The following DLGAP2 variants were observed in gnomAD, a reference collection of about 807,000 sequenced individuals.
DLGAP2 encodes DLG associated protein 2, also known as disks large-associated protein 2.
DLGAP2 carries 26 observed loss-of-function variants against 100.3 expected under a neutral mutation model. The observed-to-expected ratio is 0.26, with a 90% CI of 0.19 to 0.36. DLGAP2 has a LOEUF of 0.36. Among genes scored for constraint, DLGAP2 ranks in the 10% least tolerant of loss-of-function variants. The probability of loss-of-function intolerance (pLI) is 1.00; values close to 1 mark genes in which losing one functional copy is unlikely to be tolerated. For synonymous variants in DLGAP2, 886 were observed against 630.1 expected (o/e 1.41, Z -6.08); for missense variants, 1,858 against 1,453.2 (o/e 1.28, Z -4.53).
At position 1,333,219 on chromosome 8, in the gene DLGAP2, G is replaced by A. The variant is rs141298371; in HGVS notation, c.106+74336G>A. ...CTGGCACATTACAGAGATGGAGGAA[G>A]GAGAAACCCACTGCTACCCTGGCCA... On this transcript the variant is annotated intron_variant, in intron 3 of 14. Transcript: ENST00000637795. Among the ~76,000 whole-genome samples the A allele has an allele frequency of 2.7e-3, 414 of 152,258 alleles. 5 individuals carry two copies. The highest frequency in any genetic ancestry group is 0.014 in the South Asian group (68 of 4,822).
chr8:1,156,493 A>T (rs114733328), intron 2 of DLGAP2, among the ~76,000 whole-genome samples: 3,887 of 151,910 alleles, frequency 0.026, 189 homozygotes, highest in African/African-American at 0.088. Flanking sequence ...GGGTGGCACA[A>T]CCCGTCACAC....
At position 791,593 on chromosome 8, in the gene DLGAP2, A is replaced by G. The variant is rs140147433; in HGVS notation, c.18+53768A>G. On this transcript the variant is annotated intron_variant, in intron 1 of 14. Transcript: ENST00000637795. The stretch of plus-strand genomic sequence containing the variant: ...TAAATGCCCACATTTCGATTCTAAC[A>G]TAAATAATTATGATGTGCACCGTGT... 6.6e-5 allele frequency among the ~76,000 whole-genome samples: 10 copies of G among 152,324 alleles called. No individual in the cohort carries two copies. The East Asian group carries it at 1.7e-3, about 26-fold the overall frequency.
At chr8:1,283,887 A>T (rs559520772) in intron 3 of DLGAP2, among the ~76,000 whole-genome samples, 62 of 152,320 alleles carry the variant, frequency 4.1e-4, no homozygotes, top group Admixed American at 1.9e-3. Flanking sequence ...ATAGCCCTTC[A>T]ATGTGTTGTT....
intron 2 of DLGAP2, among the ~76,000 whole-genome samples, chr8:1,160,482 C>G (rs1330060714): frequency 1.3e-5 from 2 of 152,162 alleles, no homozygotes; most frequent in East Asian, 3.8e-4. Context: ...CTAGGGGAGT[C>G]TTTTGTGGTC....
chr8:1,202,005 A>G (rs1366392102), intron 2 of DLGAP2, among the ~76,000 whole-genome samples: 1 of 151,128 alleles, frequency 6.6e-6, no homozygotes, highest in Non-Finnish European at 1.5e-5. Context: ...GTGTGTGTGT[A>G]TACACATGTG....
intron 3 of DLGAP2, among the ~76,000 whole-genome samples, chr8:1,353,481 C>T (rs74948361): frequency 0.011 from 1,694 of 152,300 alleles, 40 homozygotes; most frequent in African/African-American, 0.039. Flanking sequence ...TGCCCCGCTG[C>T]AGGCTCATCT....
At chr8:1,006,461 T>G (rs12682554) in intron 2 of DLGAP2, among the ~76,000 whole-genome samples, 32,732 of 104,654 alleles carry the variant, frequency 0.31, 4,826 homozygotes, top group Admixed American at 0.45. Context: ...CAAGTCTTGG[T>G]ATGTGGTCCT....
chr8:1,529,727 C>G (rs1449662821), intron 4 of DLGAP2, among the ~76,000 whole-genome samples: 3 of 152,216 alleles, frequency 2.0e-5, no homozygotes, highest in Non-Finnish European at 4.4e-5. Flanking sequence ...ATCAGGGAAC[C>G]TGCCCCGATA....
chr8:1,512,658 T>G (rs952377466), intron 4 of DLGAP2, among the ~76,000 whole-genome samples: 18 of 152,324 alleles, frequency 1.2e-4, no homozygotes, highest in South Asian at 1.0e-3. Context: ...CCAAGCACGC[T>G]TCTTGCTGAG....
chr8:831,413 T>G (rs1442055706), intron 1 of DLGAP2, among the ~76,000 whole-genome samples: 1 of 152,098 alleles, frequency 6.6e-6, no homozygotes, highest in African/African-American at 2.4e-5. Context: ...CCCTGCCCTG[T>G]GTCCAGGTGT....
intron 9 of DLGAP2, 83 bp downstream of exon 9, chr8:1,668,761 G>A: frequency 2.4e-6 from 3 of 1,273,636 alleles, no homozygotes. Context: ...CCAACCAGCG[G>A]CCCTGGGTCC....
intron 2 of DLGAP2, among the ~76,000 whole-genome samples, chr8:1,129,580 C>T (rs2129048863): frequency 6.6e-6 from 1 of 152,252 alleles, no homozygotes; most frequent in South Asian, 2.1e-4. Context: ...GGCACCTGCT[C>T]CCACGAGCCT....
At chr8:1,169,968 A>C (rs957624513) in intron 2 of DLGAP2, among the ~76,000 whole-genome samples, 2 of 151,956 alleles carry the variant, frequency 1.3e-5, no homozygotes, top group Non-Finnish European at 2.9e-5. Context: ...GCCAGTTTTC[A>C]AAGGGAATGC....
chr8:1,466,523 T>TTG (rs10537891), intron 3 of DLGAP2, among the ~76,000 whole-genome samples: 96 of 148,654 alleles, frequency 6.5e-4, no homozygotes, highest in East Asian at 2.5e-3. Context: ...ACATCTCAAT[T>TTG]TGTGTGTGTG....
At chr8:747,500 C>T (rs1483933276) in intron 1 of DLGAP2, among the ~76,000 whole-genome samples, 12 of 135,796 alleles carry the variant, frequency 8.8e-5, no homozygotes, top group East Asian at 2.4e-4. Context: ...CCGAGGGGAA[C>T]GCGGAGGACA....
At chr8:1,226,349 C>T (rs943601796) in intron 2 of DLGAP2, among the ~76,000 whole-genome samples, 3 of 152,150 alleles carry the variant, frequency 2.0e-5, no homozygotes, top group African/African-American at 7.2e-5. Flanking sequence ...AAGCCATTAT[C>T]CTCAGCAAAC....
At chr8:1,012,608 C>T (rs1415130226) in intron 2 of DLGAP2, among the ~76,000 whole-genome samples, 19 of 131,512 alleles carry the variant, frequency 1.4e-4, no homozygotes, top group Middle Eastern at 4.0e-3. Flanking sequence ...ACCGTCTGAC[C>T]GGCCCCCCCG....
intron 2 of DLGAP2, among the ~76,000 whole-genome samples, chr8:955,357 A>T (rs1245488507): frequency 6.6e-6 from 1 of 152,082 alleles, no homozygotes; most frequent in East Asian, 1.9e-4. Context: ...TCAATGTCAG[A>T]AGCAGGTGCG....
In DLGAP2 at chr8:1,351,375, A is replaced by T. The variant is rs1467405612; in HGVS notation, c.106+92492A>T. ...CGTGCGGGTCCTGACTGTGTGTGGA[A>T]AGGCCGTGCGGGTCCTGAGTGTGTG... On this transcript the variant is annotated intron_variant, in intron 3 of 14. Transcript: ENST00000637795. Among the ~76,000 whole-genome samples the T allele has an allele frequency of 5.6e-5, 2 of 35,620 alleles. 1 individual carries two copies. The highest frequency in any genetic ancestry group is 1.1e-4 in the Non-Finnish European group (2 of 18,392). 23.4% of individuals were successfully genotyped at this position (35,620 alleles called of 152,430 possible).
Sources: gnomAD v4.1 joint callset for allele counts (sites outside exome capture counted in the v4.1 genomes callset) on GRCh38, gnomAD v4.1.1 for gene constraint, MANE v1.5 for transcripts, NCBI Gene and HGNC (gene_info 2026-07-23, HGNC 2026-07-21) for gene names.